Variants in LCLAT1 observed in about 807,000 individuals in gnomAD.
The protein encoded by LCLAT1 is lysocardiolipin acyltransferase 1, also known as 1-AGP acyltransferase 8.
LCLAT1 carries 11 observed loss-of-function variants against 30.7 expected under a neutral mutation model. The observed-to-expected ratio is 0.36, with a 90% confidence interval of 0.23 to 0.59. The LOEUF (loss-of-function observed/expected upper bound fraction) is 0.59, where lower values mean the gene tolerates loss of function less well. LCLAT1 is among the 20% of genes least tolerant of loss of function. The probability of loss-of-function intolerance (pLI) is 0.77; values close to 1 mark genes in which losing one functional copy is unlikely to be tolerated. For synonymous variants in LCLAT1, 155 were observed against 151.3 expected (o/e 1.02, Z -0.18); for missense variants, 402 against 458.6 (o/e 0.88, Z 1.13).
chr2:30,599,929 A>G (rs1045746404), intron 5 of LCLAT1, among the ~76,000 whole-genome samples: 1 of 152,116 alleles, frequency 6.6e-6, no homozygotes, highest in African/African-American at 2.4e-5. Context: ...ATTTAAGGTA[A>G]TATGTTTGAA....
At chr2:30,563,478 T>G (rs564020421) in intron 4 of LCLAT1, among the ~76,000 whole-genome samples, 59 of 152,310 alleles carry the variant, frequency 3.9e-4, no homozygotes, top group African/African-American at 1.4e-3. Context: ...AAGACTAAAA[T>G]GTACCTTTGA....
intron 1 of LCLAT1, among the ~76,000 whole-genome samples, chr2:30,499,457 C>G (rs10206659): frequency 6.6e-6 from 1 of 152,098 alleles, no homozygotes; most frequent in Non-Finnish European, 1.5e-5. Flanking sequence ...GCTGGGATTA[C>G]GGGAGTGAGC....
At chr2:30,542,249 GTTCT>G (rs1664177505) in intron 3 of LCLAT1, among the ~76,000 whole-genome samples, 1 of 151,960 alleles carries the variant, frequency 6.6e-6, no homozygotes, top group Non-Finnish European at 1.5e-5. Flanking sequence ...TCTTCTTATT[GTTCT>G]TTCTTTGTCT....
chr2:30,589,255 T>C (rs1339048575), intron 5 of LCLAT1, among the ~76,000 whole-genome samples: 1 of 152,240 alleles, frequency 6.6e-6, no homozygotes, highest in African/African-American at 2.4e-5. Flanking sequence ...TATTCCATGT[T>C]TAGTTTTACT....
chr2:30,475,831 C>T (rs1184773098), intron 1 of LCLAT1, among the ~76,000 whole-genome samples: 2 of 152,178 alleles, frequency 1.3e-5, no homozygotes, highest in East Asian at 3.8e-4. Flanking sequence ...AAGGAACATT[C>T]TAATAATTAG....
At chr2:30,585,973 C>T (rs887584590) in intron 5 of LCLAT1, among the ~76,000 whole-genome samples, 47 of 152,004 alleles carry the variant, frequency 3.1e-4, no homozygotes, top group African/African-American at 1.1e-3. Flanking sequence ...TAGGAATGGC[C>T]GGGCGTGGTG....
chr2:30,612,630 C>G (rs6748456), intron 5 of LCLAT1, among the ~76,000 whole-genome samples: 9,911 of 152,212 alleles, frequency 0.065, 1,061 homozygotes, highest in African/African-American at 0.22. Context: ...GTATCTAAGG[C>G]TTGGCAAAGA....
chr2:30,574,129 C>A (rs1665897269), intron 5 of LCLAT1, among the ~76,000 whole-genome samples: 1 of 151,484 alleles, frequency 6.6e-6, no homozygotes, highest in Non-Finnish European at 1.5e-5. Context: ...GTAACAGAGC[C>A]AAGACTCTGT....
intron 5 of LCLAT1, among the ~76,000 whole-genome samples, chr2:30,597,641 C>T (rs1666987571): frequency 6.6e-6 from 1 of 152,132 alleles, no homozygotes; most frequent in Non-Finnish European, 1.5e-5. Context: ...TTGTTTCTTT[C>T]TCTTGCTTGA....
At chr2:30,476,464 C>A in intron 1 of LCLAT1, 1 of 456,652 alleles carries the variant, frequency 2.2e-6, no homozygotes. Context: ...CCACTGCATT[C>A]GATTCTTACA....
intron 1 of LCLAT1, among the ~76,000 whole-genome samples, chr2:30,506,695 A>C (rs1684676978): frequency 6.6e-6 from 1 of 152,190 alleles, no homozygotes. Context: ...TTCTTTAGGC[A>C]GGACAGTTTA....
At chr2:30,464,387 TC>T (rs1260117114) in intron 1 of LCLAT1, among the ~76,000 whole-genome samples, 3 of 152,180 alleles carry the variant, frequency 2.0e-5, no homozygotes, top group African/African-American at 7.2e-5. Flanking sequence ...AAATTGTGTG[TC>T]TGGAAAAATT....
intron 1 of LCLAT1, among the ~76,000 whole-genome samples, chr2:30,456,331 GTGTCTCATTAC>G (rs2148263808): frequency 6.6e-6 from 1 of 152,332 alleles, no homozygotes; most frequent in East Asian, 1.9e-4. Context: ...ATGAGAAGGA[GTGTCTCATTAC>G]TGCCAGGTGG....
chr2:30,560,377 T>C (rs1558520122), intron 3 of LCLAT1, among the ~76,000 whole-genome samples: 1 of 151,680 alleles, frequency 6.6e-6, no homozygotes, highest in Non-Finnish European at 1.5e-5. Flanking sequence ...AACTATGTTG[T>C]TGTGTGGCTG....
At chr2:30,524,964 G>T (rs934457527) in intron 1 of LCLAT1, among the ~76,000 whole-genome samples, 2 of 151,676 alleles carry the variant, frequency 1.3e-5, no homozygotes, top group African/African-American at 4.8e-5. Flanking sequence ...CTACTTCTGG[G>T]TAGGAAAAAA....
At chr2:30,598,219 C>T (rs1474341724) in intron 5 of LCLAT1, among the ~76,000 whole-genome samples, 2 of 152,064 alleles carry the variant, frequency 1.3e-5, no homozygotes, top group Non-Finnish European at 2.9e-5. Flanking sequence ...AGAAATGGTA[C>T]CAGCTCCTTT....
At chr2:30,530,493 G>A (rs1243150878) in intron 2 of LCLAT1, among the ~76,000 whole-genome samples, 3 of 152,224 alleles carry the variant, frequency 2.0e-5, no homozygotes, top group Non-Finnish European at 2.9e-5. Context: ...AATGCTGGAT[G>A]TCAAGGGAGA....
Position 30,597,116 on chromosome 2 carries a change from G to C in LCLAT1, c.628+28940G>C, listed in dbSNP as rs570317051. ...TGTTCTTTTTGCTTAAGATTGTCTT[G>C]GCTATATGGGCTTTTTGTTGGTTCC... On this transcript the variant is annotated intron_variant, in intron 5 of 5. Coordinates refer to ENST00000379509, the MANE Select transcript of LCLAT1 (RefSeq NM_001002257.3). 3.8e-3 allele frequency among the ~76,000 whole-genome samples: 561 copies of C among 147,586 alleles called. 2 individuals carry two copies. Among genetic ancestry groups the C allele is most frequent in the African/African-American group, 0.011 (455 of 40,370 alleles).
At chr2:30,450,359 G>T (rs1250931496) in intron 1 of LCLAT1, among the ~76,000 whole-genome samples, 4 of 152,182 alleles carry the variant, frequency 2.6e-5, no homozygotes, top group Non-Finnish European at 5.9e-5. Context: ...TACAGGTGTT[G>T]CTGGGAGAGA....
Sources: allele counts gnomAD v4.1 joint callset (sites outside exome capture counted in the v4.1 genomes callset), GRCh38; gene constraint gnomAD v4.1.1; transcripts MANE v1.5; gene names NCBI Gene and HGNC (gene_info 2026-07-23, HGNC 2026-07-21).